Variants in OXR1 observed in about 807,000 individuals in gnomAD.
The protein encoded by OXR1 is oxidation resistance 1.
Under a neutral mutation model 104.6 loss-of-function variants are expected in OXR1, and 41 were observed. The ratio of observed to expected loss-of-function variants is 0.39; its 90% CI spans 0.31 to 0.51. OXR1 has a LOEUF of 0.51. Ranked by LOEUF, OXR1 falls within the 20% of genes least tolerant of loss-of-function variation. The probability of loss-of-function intolerance (pLI) is 0.77; values close to 1 mark genes in which losing one functional copy is unlikely to be tolerated. For synonymous variants in OXR1, 348 were observed against 348.4 expected (o/e 1.00, Z 0.01); for missense variants, 955 against 1,031.9 (o/e 0.93, Z 1.02).
At chr8:106,710,284 A>C (rs1257837041) in intron 9 of OXR1, among the ~76,000 whole-genome samples, 1 of 150,792 alleles carries the variant, frequency 6.6e-6, no homozygotes, top group Non-Finnish European at 1.5e-5. Flanking sequence ...AATATGTAGA[A>C]AATTATATAT....
chr8:106,642,266 G>A (rs1823716995), intron 3 of OXR1, among the ~76,000 whole-genome samples: 1 of 152,132 alleles, frequency 6.6e-6, no homozygotes, highest in South Asian at 2.1e-4. Context: ...AAAACCTTTG[G>A]TAGTAACCTT....
At chr8:106,378,135 G>T (rs1385933083) in intron 2 of OXR1, among the ~76,000 whole-genome samples, 1 of 152,092 alleles carries the variant, frequency 6.6e-6, no homozygotes, top group Non-Finnish European at 1.5e-5. Flanking sequence ...GATCTTTTTG[G>T]AATTTGTTAA....
chr8:106,456,699 G>T (rs1442059724), intron 2 of OXR1, among the ~76,000 whole-genome samples: 1 of 152,020 alleles, frequency 6.6e-6, no homozygotes, highest in Non-Finnish European at 1.5e-5. Flanking sequence ...CAATACATTG[G>T]CAGCTATTTG....
chr8:106,711,288 G>T (rs1831660914), intron 10 of OXR1, among the ~76,000 whole-genome samples: 1 of 151,998 alleles, frequency 6.6e-6, no homozygotes, highest in African/African-American at 2.4e-5. Flanking sequence ...GTACTATCTT[G>T]TCAATTTTTA....
At chr8:106,518,075 A>G (rs1002417153) in intron 2 of OXR1, among the ~76,000 whole-genome samples, 6 of 152,200 alleles carry the variant, frequency 3.9e-5, no homozygotes, top group Non-Finnish European at 7.4e-5. Context: ...CAGAAAAGGG[A>G]AGCCAACGTA....
chr8:106,296,850 T>C (rs1813019922), intron 1 of OXR1, among the ~76,000 whole-genome samples: 1 of 152,132 alleles, frequency 6.6e-6, no homozygotes, highest in African/African-American at 2.4e-5. Flanking sequence ...CTAGTATGAG[T>C]GTTTCTAATT....
At chr8:106,562,745 A>G (rs1230768857) in intron 3 of OXR1, among the ~76,000 whole-genome samples, 1 of 152,224 alleles carries the variant, frequency 6.6e-6, no homozygotes, top group African/African-American at 2.4e-5. Flanking sequence ...CCACAAAGAG[A>G]AGCCCATCAG....
At chr8:106,642,879 C>T (rs1049432176) in intron 3 of OXR1, among the ~76,000 whole-genome samples, 13 of 152,062 alleles carry the variant, frequency 8.5e-5, no homozygotes, top group South Asian at 4.1e-4. Context: ...TTATCTTCTG[C>T]GTATTAGAAA....
At chr8:106,316,728 CTATCTATCTATCT>C (rs1563714024) in intron 1 of OXR1, among the ~76,000 whole-genome samples, 2 of 96,604 alleles carry the variant, frequency 2.1e-5, no homozygotes, top group Non-Finnish European at 4.3e-5. Context: ...ATCTATCTAT[CTATCTATCTATCT>C]ATCTATCTAT....
intron 3 of OXR1, among the ~76,000 whole-genome samples, chr8:106,535,481 G>T (rs970092990): frequency 2.0e-5 from 3 of 152,196 alleles, no homozygotes; most frequent in African/African-American, 7.2e-5. Context: ...TGGAATATAA[G>T]AAAAATAGCT....
chr8:106,512,498 C>A (rs935959455), intron 2 of OXR1, among the ~76,000 whole-genome samples: 1 of 152,012 alleles, frequency 6.6e-6, no homozygotes, highest in South Asian at 2.1e-4. Flanking sequence ...AGGAACATAT[C>A]CAACTAGTTA....
chr8:106,366,745 AGTGG>A (rs1265926354), intron 2 of OXR1, among the ~76,000 whole-genome samples: 2 of 152,142 alleles, frequency 1.3e-5, no homozygotes, highest in African/African-American at 2.4e-5. Context: ...CTGAGAAGAA[AGTGG>A]GTGTGAGAGC....
chr8:106,356,982 A>G (rs1453693142), intron 1 of OXR1, among the ~76,000 whole-genome samples: 1 of 152,102 alleles, frequency 6.6e-6, no homozygotes, highest in Non-Finnish European at 1.5e-5. Context: ...ACTAAGCCTA[A>G]TAGTTGATTT....
intron 1 of OXR1, among the ~76,000 whole-genome samples, chr8:106,335,664 T>C (rs548048398): frequency 3.3e-4 from 50 of 152,154 alleles, no homozygotes; most frequent in Non-Finnish European, 6.6e-4. Flanking sequence ...GATTTCCCGA[T>C]TATTTGATTC....
chr8:106,574,405 T>TGAAG (rs1204719204), intron 3 of OXR1, among the ~76,000 whole-genome samples: 1 of 152,104 alleles, frequency 6.6e-6, no homozygotes, highest in Non-Finnish European at 1.5e-5. Context: ...AGGGGGGAAA[T>TGAAG]GAAGGATGGA....
chr8:106,658,308 C>A, intron 3 of OXR1: 1 of 1,148,798 alleles, frequency 8.7e-7, no homozygotes, highest in Non-Finnish European at 1.1e-6. Flanking sequence ...TGGGCCGGGG[C>A]GGGCAACGTG....
In OXR1 at chr8:106,549,222, T is replaced by C. The variant is rs370322162; in HGVS notation, c.220+30083T>C. 1.4e-3 allele frequency among the ~76,000 whole-genome samples: 209 copies of C among 150,796 alleles called. 2 individuals are homozygous for C. Among genetic ancestry groups the C allele is most frequent in the African/African-American group, 4.1e-3 (169 of 41,082 alleles). ...AAAACCCCCAGGCCCCCTTGTATTT[T>C]CCCATCACAAACATATCAAACATTT... On this transcript the variant is annotated intron_variant, in intron 3 of 16. Coordinates refer to ENST00000517566, the MANE Select transcript of OXR1 (RefSeq NM_001198533.2).
chr8:106,733,620 T>C (rs1362213700), intron 11 of OXR1, among the ~76,000 whole-genome samples: 1 of 151,884 alleles, frequency 6.6e-6, no homozygotes, highest in Non-Finnish European at 1.5e-5. Flanking sequence ...TAGTATAGTT[T>C]ACATGGTGAA....
intron 2 of OXR1, among the ~76,000 whole-genome samples, chr8:106,517,189 T>A (rs901470102): frequency 2.6e-5 from 4 of 152,186 alleles, no homozygotes; most frequent in Admixed American, 1.3e-4. Context: ...CCCTTCATGT[T>A]GTTGTCAATG....
Sources: allele counts gnomAD v4.1 joint callset (sites outside exome capture counted in the v4.1 genomes callset), GRCh38; gene constraint gnomAD v4.1.1; transcripts MANE v1.5; gene names NCBI Gene and HGNC (gene_info 2026-07-23, HGNC 2026-07-21).